Variants in ARL13B observed in about 807,000 individuals in gnomAD.
ARL13B encodes ADP-ribosylation factor-like protein 13B.
Under a neutral mutation model 56.1 loss-of-function variants are expected in ARL13B, and 36 were observed. The ratio of observed to expected loss-of-function variants is 0.64; its 90% confidence interval spans 0.49 to 0.85. The LOEUF is 0.85. Among genes scored for constraint, ARL13B ranks in the 40% least tolerant of loss-of-function variants. ARL13B has a pLI of 0.00. For synonymous variants in ARL13B, 178 were observed against 171.1 expected (o/e 1.04, Z -0.32); for missense variants, 519 against 507.1 (o/e 1.02, Z -0.23).
intron 3 of ARL13B, among the ~76,000 whole-genome samples, chr3:94,013,703 T>TGGGA (rs1487215873): frequency 6.6e-6 from 1 of 152,184 alleles, no homozygotes; most frequent in Admixed American, 6.5e-5. Context: ...TCCAACACTT[T>TGGGA]GGGAGGCCCA....
rs1370607603 is a variant in ARL13B at position 94,036,574 on chromosome 3, G to C, written c.509G>C (p.Gly170Ala). Residue 170 changes from glycine (G) to alanine (A), a missense_variant, in exon 5 of 10, where the codon GGG (glycine) becomes GCG (alanine). Coordinates refer to ENST00000394222, the MANE Select transcript of ARL13B (RefSeq NM_001174150.2). ...CQIEPCSAISGYGKKIDKSIK... is the reference protein window; with the variant it reads ...CQIEPCSAISAYGKKIDKSIK... Reference sequence around the variant, plus strand: ...TAGGAACCATGTTCAGCAATCTCGGGGTATGGAAAGAAAATTGACAAGTCC... The same window carrying C: ...TAGGAACCATGTTCAGCAATCTCGGCGTATGGAAAGAAAATTGACAAGTCC... 2 of 1,613,676 alleles carry C rather than the reference G, an allele frequency of 1.2e-6. No individual in the cohort carries two copies. The highest frequency in any genetic ancestry group is 4.5e-5 in the East Asian group (2 of 44,850).
chr3:93,980,552 G>T (rs1710161287), intron 1 of ARL13B, 70 bp downstream of exon 1: 8 of 1,582,742 alleles, frequency 5.1e-6, no homozygotes, highest in East Asian at 2.2e-5. Flanking sequence ...GCGAGGCGCC[G>T]CCTTTTCCCC....
chr3:94,044,944 C>T (rs536358885), intron 7 of ARL13B, among the ~76,000 whole-genome samples: 7 of 152,198 alleles, frequency 4.6e-5, no homozygotes, highest in East Asian at 1.9e-4. Flanking sequence ...CCAACAGCTC[C>T]GAAGAGACAG....
Position 94,003,944 on chromosome 3 carries a change from G to A in ARL13B, c.380+36G>A, listed in dbSNP as rs147980419. The stretch of plus-strand genomic sequence containing the variant: ...TTAGCATCATTGTAAATGTAGGGAC[G>A]ATGGCATTGGCCACTAAAGAAATTT... On this transcript the variant is annotated intron_variant, in intron 3 of 9. Transcript: ENST00000394222. 490 of 1,611,412 alleles carry A rather than the reference G, an allele frequency of 3.0e-4. 3 individuals are homozygous for A. In the African/African-American group the frequency reaches 5.7e-3, roughly 19 times the overall value.
rs2107296484 is a variant in ARL13B at position 93,980,187 on chromosome 3, T to C, written c.-237T>C. 1.5e-6 allele frequency: 1 copy of C among 684,492 alleles called. No individual in the cohort carries two copies. Among genetic ancestry groups the C allele is most frequent in the Non-Finnish European group, 2.7e-6 (1 of 376,414 alleles). The allele number at this position is 684,492 out of a possible 1,614,324, so 42.4% of individuals were successfully genotyped here. Reference sequence around the variant, plus strand: ...TTTAGCCGGGTCCCGCTAACTCGGCTACGGTGTATCTGCGTCTTTGGTCAG... The same window carrying C: ...TTTAGCCGGGTCCCGCTAACTCGGCCACGGTGTATCTGCGTCTTTGGTCAG... On this transcript the variant is annotated 5_prime_UTR_variant, in exon 1 of 10. Coordinates refer to ENST00000394222, the MANE Select transcript of ARL13B (RefSeq NM_001174150.2).
chr3:94,032,202 A>G (rs1359779989), intron 3 of ARL13B, among the ~76,000 whole-genome samples: 4 of 152,218 alleles, frequency 2.6e-5, no homozygotes, highest in Admixed American at 2.6e-4. Flanking sequence ...TTACAAGGAA[A>G]TCAACAACAA....
intron 3 of ARL13B, 86 bp downstream of exon 3, chr3:94,003,994 C>G: frequency 6.4e-7 from 1 of 1,572,424 alleles, no homozygotes; most frequent in East Asian, 2.2e-5. Context: ...AGTGAATAAG[C>G]TAAAATAGTC....
In ARL13B at chr3:94,054,155, G is replaced by A; in HGVS notation, c.*892G>A. On this transcript the variant is annotated 3_prime_UTR_variant, in exon 10 of 10. Coordinates refer to ENST00000394222, the MANE Select transcript of ARL13B (RefSeq NM_001174150.2). ...CTCCCTTGTTCCATCAGAAGCTGCA[G>A]TGACTCTTTTAGGTGATTCTAATTC... is the stretch of plus-strand genomic sequence containing the variant. 2.2e-6 allele frequency: 1 copy of A among 453,282 alleles called. No individual in the cohort carries two copies. The highest frequency in any genetic ancestry group is 4.4e-6 in the Non-Finnish European group (1 of 226,268). The allele number at this position is 453,282 out of a possible 1,614,324, so 28.1% of individuals were successfully genotyped here.
At position 94,040,004 on chromosome 3, in the gene ARL13B, A is replaced by G; in HGVS notation, c.798+16A>G. 1.2e-6 allele frequency: 2 copies of G among 1,606,124 alleles called. No homozygotes were observed. The highest frequency in any genetic ancestry group is 1.7e-6 in the Non-Finnish European group (2 of 1,173,386). On this transcript the variant is annotated intron_variant, in intron 6 of 9. Coordinates refer to ENST00000394222, the MANE Select transcript of ARL13B (RefSeq NM_001174150.2). ...AATCATTGAGGTATGAATGATGGCA[A>G]ATGTAATTTTTGTATCTTAAGTTAT...
chr3:94,052,811 G>T (rs2077087390), intron 9 of ARL13B, among the ~76,000 whole-genome samples: 2 of 152,040 alleles, frequency 1.3e-5, no homozygotes, highest in African/African-American at 4.8e-5. Context: ...CTATATTTGG[G>T]GTAAGAATCC....
intron 3 of ARL13B, among the ~76,000 whole-genome samples, chr3:94,014,115 C>CT (rs2076277988): frequency 6.6e-6 from 1 of 152,166 alleles, no homozygotes; most frequent in Non-Finnish European, 1.5e-5. Context: ...GACCAGAAGA[C>CT]TAAGATTATG....
At chr3:94,015,384 C>T in intron 3 of ARL13B, 1 of 820,792 alleles carries the variant, frequency 1.2e-6, no homozygotes, top group Non-Finnish European at 1.8e-6. Flanking sequence ...AAAAGTTCTC[C>T]TAGTTTTCTC....
At chr3:93,987,686 T>C (rs1487271264) in intron 1 of ARL13B, among the ~76,000 whole-genome samples, 1 of 152,160 alleles carries the variant, frequency 6.6e-6, no homozygotes, top group Non-Finnish European at 1.5e-5. Flanking sequence ...TCTCTCTCTA[T>C]TGCCTAGGCT....
chr3:93,983,624 C>G (rs1343609150), intron 1 of ARL13B, among the ~76,000 whole-genome samples: 1 of 152,046 alleles, frequency 6.6e-6, no homozygotes, highest in East Asian at 1.9e-4. Flanking sequence ...TATAGGGGAA[C>G]CTGCTTTCTG....
intron 9 of ARL13B, among the ~76,000 whole-genome samples, chr3:94,052,237 AC>A (rs2077078173): frequency 6.6e-6 from 1 of 152,138 alleles, no homozygotes; most frequent in Admixed American, 6.5e-5. Flanking sequence ...AACTCATTTA[AC>A]ATACAAGTAT....
intron 3 of ARL13B, chr3:94,014,259 A>G (rs2076280363): frequency 1.3e-6 from 1 of 762,942 alleles, no homozygotes; most frequent in Admixed American, 3.7e-5. Context: ...TTAAAGGGGA[A>G]AATTACAACT....
At chr3:94,019,434 A>G (rs1158424896) in intron 3 of ARL13B, among the ~76,000 whole-genome samples, 1 of 151,882 alleles carries the variant, frequency 6.6e-6, no homozygotes, top group African/African-American at 2.4e-5. Flanking sequence ...TGACCTCATG[A>G]TCCGCCCATC....
chr3:93,986,632 C>A (rs1340253955), intron 1 of ARL13B, among the ~76,000 whole-genome samples: 1 of 151,946 alleles, frequency 6.6e-6, no homozygotes, highest in Non-Finnish European at 1.5e-5. Flanking sequence ...GTGTTTTTAG[C>A]GAAATGTTTT....
At chr3:94,012,485 T>C (rs1157300810) in intron 3 of ARL13B, among the ~76,000 whole-genome samples, 1 of 152,142 alleles carries the variant, frequency 6.6e-6, no homozygotes, top group Non-Finnish European at 1.5e-5. Context: ...ACCACCACTA[T>C]ATAGTATGTA....
Sources: gnomAD v4.1 joint callset for allele counts (sites outside exome capture counted in the v4.1 genomes callset) on GRCh38, gnomAD v4.1.1 for gene constraint, MANE v1.5 for transcripts, NCBI Gene and HGNC (gene_info 2026-07-23, HGNC 2026-07-21) for gene names.